Variants in COMMD1 observed in about 807,000 individuals in gnomAD.
The protein encoded by COMMD1 is copper metabolism domain containing 1.
Under a neutral mutation model 17.2 loss-of-function variants are expected in COMMD1, and 10 were observed. The observed-to-expected ratio is 0.58, with a 90% CI of 0.36 to 0.99. COMMD1 has a LOEUF of 0.99. COMMD1 is among the 50% of genes least tolerant of loss of function. The pLI, the probability that COMMD1 is intolerant of heterozygous loss-of-function variation, is 0.01. For missense variants in COMMD1, 270 were observed against 231.8 expected (o/e 1.17, Z -1.07); for synonymous variants, 97 against 91.6 (o/e 1.06, Z -0.34).
chr2:62,102,527 G>T (rs1672214801), intron 2 of COMMD1, among the ~76,000 whole-genome samples: 1 of 151,862 alleles, frequency 6.6e-6, no homozygotes, highest in African/African-American at 2.4e-5. Context: ...TGTATTGCTG[G>T]GTCTCAGAAA....
At chr2:62,131,008 A>T (rs746680254) in intron 2 of COMMD1, among the ~76,000 whole-genome samples, 10 of 152,208 alleles carry the variant, frequency 6.6e-5, no homozygotes, top group Non-Finnish European at 1.0e-4. Context: ...CCAGGGAAGG[A>T]GTTCATTAGG....
intron 2 of COMMD1, among the ~76,000 whole-genome samples, chr2:62,135,515 C>G (rs759089185): frequency 7.9e-5 from 12 of 152,070 alleles, no homozygotes; most frequent in Non-Finnish European, 1.2e-4. Flanking sequence ...CTGCGCCTGG[C>G]TAATTTTTTA....
intron 2 of COMMD1, among the ~76,000 whole-genome samples, chr2:62,087,832 A>G (rs1470994487): frequency 6.6e-6 from 1 of 152,194 alleles, no homozygotes; most frequent in Non-Finnish European, 1.5e-5. Context: ...TAGTAGGGAG[A>G]TAATATCCAT....
At chr2:61,917,792 A>C (rs1437575347) in intron 1 of COMMD1, among the ~76,000 whole-genome samples, 1 of 152,202 alleles carries the variant, frequency 6.6e-6, no homozygotes, top group Non-Finnish European at 1.5e-5. Context: ...TGGCTTCCCA[A>C]AGTGCTGGGA....
chr2:61,983,958 G>A (rs187421660), intron 1 of COMMD1, among the ~76,000 whole-genome samples: 8 of 152,236 alleles, frequency 5.3e-5, no homozygotes, highest in Admixed American at 5.2e-4. Flanking sequence ...TTTTTGACAT[G>A]GGGACTTATA....
intron 1 of COMMD1, among the ~76,000 whole-genome samples, chr2:61,920,074 G>C (rs1317403373): frequency 1.3e-5 from 2 of 152,180 alleles, no homozygotes; most frequent in Non-Finnish European, 2.9e-5. Context: ...GGATGTGCAG[G>C]AGGATCACTT....
At chr2:61,936,554 A>G (rs1179098615) in intron 1 of COMMD1, among the ~76,000 whole-genome samples, 1 of 152,196 alleles carries the variant, frequency 6.6e-6, no homozygotes, top group Non-Finnish European at 1.5e-5. Flanking sequence ...TTATATCAGA[A>G]TATATTATGG....
chr2:61,989,633 G>T lies in COMMD1; in HGVS notation c.181-11068G>T, dbSNP rs368549788. 4.9e-3 allele frequency among the ~76,000 whole-genome samples: 736 copies of T among 151,726 alleles called. 8 individuals are homozygous for T. The highest frequency in any genetic ancestry group is 0.016 in the African/African-American group (654 of 41,308). ...TGCCACCATGCCTGGCTAATTTTTT[G>T]TGTGTTTTTTTAATAGAGTTGGGTT... is the stretch of plus-strand genomic sequence containing the variant. On this transcript the variant is annotated intron_variant, in intron 1 of 2. Transcript: ENST00000311832.
chr2:61,953,471 C>A (rs548548570), intron 1 of COMMD1, among the ~76,000 whole-genome samples: 3 of 150,272 alleles, frequency 2.0e-5, no homozygotes, highest in African/African-American at 7.4e-5. Context: ...TGGGTTCAAG[C>A]AATACTCCTG....
intron 2 of COMMD1, among the ~76,000 whole-genome samples, chr2:62,119,400 A>G (rs908784916): frequency 6.1e-4 from 93 of 152,358 alleles, no homozygotes; most frequent in African/African-American, 2.1e-3. Flanking sequence ...CAGAGATATA[A>G]ACAGATAGGA....
intron 2 of COMMD1, among the ~76,000 whole-genome samples, chr2:62,111,091 G>A (rs1672443001): frequency 6.6e-6 from 1 of 152,166 alleles, no homozygotes; most frequent in East Asian, 1.9e-4. Context: ...CTGGTGCAGA[G>A]AGGGAGATAT....
chr2:62,069,560 G>A (rs1671144651), intron 2 of COMMD1: 1 of 152,134 alleles, frequency 6.6e-6, no homozygotes, highest in Admixed American at 6.5e-5. Context: ...AATTGATGTG[G>A]GTGGTGGGTA....
At chr2:62,134,327 C>A (rs554591052) in intron 2 of COMMD1, among the ~76,000 whole-genome samples, 1 of 152,220 alleles carries the variant, frequency 6.6e-6, no homozygotes, top group East Asian at 1.9e-4. Flanking sequence ...CATTAATTAG[C>A]CACATCATTT....
At chr2:61,985,075 G>T in intron 1 of COMMD1, among the ~76,000 whole-genome samples, 1 of 148,508 alleles carries the variant, frequency 6.7e-6, no homozygotes. Context: ...TTTTGAGACG[G>T]AGTCTCGCTC....
intron 2 of COMMD1, chr2:62,100,267 A>G (rs1029840502): frequency 2.0e-5 from 3 of 151,926 alleles, no homozygotes; most frequent in Non-Finnish European, 2.9e-5. Context: ...GTTTTAGGCA[A>G]CTCCTTCAGG....
chr2:61,925,001 A>G (rs1020961980), intron 1 of COMMD1, among the ~76,000 whole-genome samples: 8 of 152,186 alleles, frequency 5.3e-5, no homozygotes, highest in Non-Finnish European at 1.0e-4. Flanking sequence ...TCTTTCAGAA[A>G]TGGAGAGACA....
intron 1 of COMMD1, among the ~76,000 whole-genome samples, chr2:61,927,105 T>A (rs1670346434): frequency 6.6e-6 from 1 of 152,182 alleles, no homozygotes; most frequent in Admixed American, 6.6e-5. Context: ...AAACAAAGAA[T>A]AAAATGCAGA....
At chr2:62,018,871 G>T (rs937562762) in intron 2 of COMMD1, among the ~76,000 whole-genome samples, 12 of 152,160 alleles carry the variant, frequency 7.9e-5, no homozygotes, top group Non-Finnish European at 1.8e-4. Flanking sequence ...CAAGATTGAG[G>T]TGCTAGTAGG....
intron 2 of COMMD1, among the ~76,000 whole-genome samples, chr2:62,112,365 C>T (rs1450706318): frequency 6.6e-6 from 1 of 152,202 alleles, no homozygotes; most frequent in Non-Finnish European, 1.5e-5. Context: ...TTGTCATAGC[C>T]TGAAGCAGTT....
Sources: allele counts gnomAD v4.1 joint callset (sites outside exome capture counted in the v4.1 genomes callset), GRCh38; gene constraint gnomAD v4.1.1; transcripts MANE v1.5; gene names NCBI Gene and HGNC (gene_info 2026-07-23, HGNC 2026-07-21).